The following CBFA2T2 variants were observed in gnomAD, a reference collection of about 807,000 sequenced individuals.
The protein encoded by CBFA2T2 is protein CBFA2T2.
A neutral mutation model predicts 62.2 loss-of-function variants in CBFA2T2; 11 were observed. That is an observed-to-expected ratio of 0.18 (90% confidence interval 0.11 to 0.29). The LOEUF (loss-of-function observed/expected upper bound fraction) is 0.29. Among genes scored for constraint, CBFA2T2 ranks in the 10% least tolerant of loss-of-function variants. The pLI is 1.00. For synonymous variants in CBFA2T2, 295 were observed against 287.5 expected, an observed-to-expected ratio of 1.03 and a Z score of -0.27; for missense variants, 592 against 774.1, an observed-to-expected ratio of 0.76 and a Z score of 2.79.
intron 1 of CBFA2T2, among the ~76,000 whole-genome samples, chr20:33,560,751 A>G (rs1049323799): frequency 2.6e-5 from 4 of 152,172 alleles, no homozygotes; most frequent in African/African-American, 4.8e-5. Flanking sequence ...CTATATATAT[A>G]TATATGCAGG....
Position 33,646,645 on chromosome 20 carries a change from C to T in CBFA2T2, c.*1999C>T, listed in dbSNP as rs1445116743. The T allele has an allele frequency of 6.6e-6, 1 of 151,796 alleles. No individual in the cohort carries two copies. Among genetic ancestry groups the T allele is most frequent in the African/African-American group, 2.4e-5 (1 of 41,284 alleles). 9.4% of individuals were successfully genotyped at this position (151,796 alleles called of 1,614,324 possible). On this transcript the variant is annotated 3_prime_UTR_variant, in exon 11 of 11. Coordinates refer to ENST00000342704, the MANE Select transcript of CBFA2T2 (RefSeq NM_001032999.3). ...CCGAGGCAGGCAGATCACTTGAGGT[C>T]AGGAATTCAAGACCAACCTGGCCAA...
chr20:33,551,775 G>A (rs1306773051), intron 1 of CBFA2T2, among the ~76,000 whole-genome samples: 3 of 151,894 alleles, frequency 2.0e-5, no homozygotes, highest in East Asian at 1.9e-4. Flanking sequence ...CAAGAAATCC[G>A]CCCACCTTGG....
intron 10 of CBFA2T2, among the ~76,000 whole-genome samples, chr20:33,642,696 C>G (rs2016901793): frequency 6.6e-6 from 1 of 152,070 alleles, no homozygotes; most frequent in African/African-American, 2.4e-5. Flanking sequence ...ATATCTGTTT[C>G]TCTTCTCTAT....
At chr20:33,594,054 TG>T (rs1368022922) in intron 1 of CBFA2T2, among the ~76,000 whole-genome samples, 1 of 152,128 alleles carries the variant, frequency 6.6e-6, no homozygotes. Context: ...TACTACGTGA[TG>T]AATGGACTGA....
intron 1 of CBFA2T2, among the ~76,000 whole-genome samples, chr20:33,493,153 GC>G (rs1195292637): frequency 1.6e-4 from 22 of 139,174 alleles, no homozygotes; most frequent in Non-Finnish European, 2.6e-4. Context: ...TCGGCTCACT[GC>G]AACCTCCGCC....
intron 1 of CBFA2T2, among the ~76,000 whole-genome samples, chr20:33,497,547 C>CTTTTT (rs756491939): frequency 8.7e-6 from 1 of 114,652 alleles, no homozygotes; most frequent in Non-Finnish European, 1.7e-5. Flanking sequence ...AGCTTGTATA[C>CTTTTT]TTTTTTTTTT....
intron 2 of CBFA2T2, among the ~76,000 whole-genome samples, chr20:33,608,510 G>T (rs2122291713): frequency 6.6e-6 from 1 of 152,328 alleles, no homozygotes; most frequent in Non-Finnish European, 1.5e-5. Context: ...GGAGTAGCTG[G>T]TAACTGTAGC....
chr20:33,512,435 C>T (rs1421738521), intron 1 of CBFA2T2, among the ~76,000 whole-genome samples: 1 of 152,204 alleles, frequency 6.6e-6, no homozygotes, highest in Non-Finnish European at 1.5e-5. Flanking sequence ...CCCTCCTTCT[C>T]CAAGGGGTAA....
chr20:33,550,452 C>T (rs1048479183), intron 1 of CBFA2T2, among the ~76,000 whole-genome samples: 1 of 152,018 alleles, frequency 6.6e-6, no homozygotes, highest in African/African-American at 2.4e-5. Context: ...TGGTTTGATC[C>T]TGTTAAATTT....
At chr20:33,576,087 T>C (rs1277628065) in intron 1 of CBFA2T2, among the ~76,000 whole-genome samples, 1 of 152,036 alleles carries the variant, frequency 6.6e-6, no homozygotes, top group Non-Finnish European at 1.5e-5. Context: ...GCGCCTGGCC[T>C]AAGAGGTGTT....
At chr20:33,640,192 T>G (rs2016777413) in intron 9 of CBFA2T2, 149 bp from the exon 10 acceptor site, 1 of 752,536 alleles carries the variant, frequency 1.3e-6, no homozygotes, top group African/African-American at 1.8e-5. Context: ...CCTGCATGGA[T>G]GGACACATGA....
At chr20:33,530,761 A>G (rs2146869379) in intron 1 of CBFA2T2, among the ~76,000 whole-genome samples, 1 of 152,014 alleles carries the variant, frequency 6.6e-6, no homozygotes, top group East Asian at 1.9e-4. Flanking sequence ...AAAGCACATG[A>G]ACAAAGTGCG....
intron 1 of CBFA2T2, among the ~76,000 whole-genome samples, chr20:33,504,273 C>T (rs2011360943): frequency 6.6e-6 from 1 of 151,932 alleles, no homozygotes; most frequent in African/African-American, 2.4e-5. Flanking sequence ...GAACTGTTTC[C>T]CATTTTGATG....
intron 1 of CBFA2T2, among the ~76,000 whole-genome samples, chr20:33,534,255 G>A (rs2012140721): frequency 6.6e-6 from 1 of 151,978 alleles, no homozygotes; most frequent in East Asian, 1.9e-4. Flanking sequence ...ATCTTCTTTG[G>A]TGAAATGTCT....
chr20:33,513,554 G>A (rs988639689), intron 1 of CBFA2T2, among the ~76,000 whole-genome samples: 1 of 151,578 alleles, frequency 6.6e-6, no homozygotes, highest in African/African-American at 2.4e-5. Context: ...GTAGAGACGG[G>A]GTTTCACCAT....
intron 1 of CBFA2T2, among the ~76,000 whole-genome samples, chr20:33,491,677 A>G (rs1029196446): frequency 1.3e-5 from 2 of 152,096 alleles, no homozygotes; most frequent in African/African-American, 4.8e-5. Context: ...TTAGGCTTGC[A>G]AAGGTACAGC....
chr20:33,596,616 G>T (rs2014903115), intron 1 of CBFA2T2, among the ~76,000 whole-genome samples: 1 of 152,044 alleles, frequency 6.6e-6, no homozygotes, highest in African/African-American at 2.4e-5. Flanking sequence ...AATACCTGCA[G>T]ATCTGTACCC....
chr20:33,622,543 C>T (rs2016031410), intron 4 of CBFA2T2, among the ~76,000 whole-genome samples: 1 of 152,160 alleles, frequency 6.6e-6, no homozygotes, highest in Non-Finnish European at 1.5e-5. Flanking sequence ...TGCAGGTTTT[C>T]TAAGTATGAG....
intron 1 of CBFA2T2, among the ~76,000 whole-genome samples, chr20:33,517,450 G>GTTTTTTTT (rs773285489): frequency 3.9e-5 from 5 of 129,126 alleles, no homozygotes; most frequent in South Asian, 2.4e-4. Context: ...GGTTTTTTTG[G>GTTTTTTTT]TGTTTTTTTT....
Sources: gnomAD v4.1 joint callset for allele counts (sites outside exome capture counted in the v4.1 genomes callset) on GRCh38, gnomAD v4.1.1 for gene constraint, MANE v1.5 for transcripts, NCBI Gene and HGNC (gene_info 2026-07-23, HGNC 2026-07-21) for gene names.